PLCG2: variants seen among roughly 807,000 people sequenced by gnomAD.
The protein encoded by PLCG2 is phospholipase C gamma 2, also known as 1-phosphatidylinositol 4,5-bisphosphate phosphodiesterase gamma-2.
A neutral mutation model predicts 175.6 loss-of-function variants in PLCG2; 69 were observed. The observed-to-expected ratio is 0.39, with a 90% CI of 0.32 to 0.48. PLCG2 has a LOEUF of 0.48. Ranked by LOEUF, PLCG2 falls within the 20% of genes least tolerant of loss-of-function variation. The pLI is 0.91. For missense variants in PLCG2, 1,798 were observed against 1,650.9 expected (o/e 1.09, Z -1.54); for synonymous variants, 827 against 624.0 (o/e 1.33, Z -4.85).
chr16:81,793,694 T>G (rs1425217942), intron 2 of PLCG2, among the ~76,000 whole-genome samples: 2 of 152,218 alleles, frequency 1.3e-5, no homozygotes, highest in Non-Finnish European at 2.9e-5. Flanking sequence ...AGTGATACCG[T>G]TGATGAGAGC....
chr16:81,867,455 C>T (rs555962370), intron 5 of PLCG2, among the ~76,000 whole-genome samples: 1 of 152,178 alleles, frequency 6.6e-6, no homozygotes, highest in Non-Finnish European at 1.5e-5. Flanking sequence ...GAGTTTGAGG[C>T]TAGCACAGAT....
intron 5 of PLCG2, among the ~76,000 whole-genome samples, chr16:81,859,747 A>G (rs1335799823): frequency 6.6e-6 from 1 of 152,112 alleles, no homozygotes; most frequent in Non-Finnish European, 1.5e-5. Flanking sequence ...CATGTTCGGC[A>G]GGATGGTCTT....
At position 81,937,690 on chromosome 16, in the gene PLCG2, A is replaced by G. The variant is rs1182665006; in HGVS notation, c.3053-68A>G. The G allele has an allele frequency of 7.7e-6, 11 of 1,424,764 alleles. No individual in the cohort carries two copies. The Admixed American group carries it at 2.2e-4, about 29-fold the overall frequency. 88.3% of individuals were successfully genotyped at this position (1,424,764 alleles called of 1,614,324 possible). A position where few individuals can be genotyped will look rare whatever the true frequency, so the allele number is the denominator to read the frequency against. Reference sequence around the variant, plus strand: ...AAGGTGAAATTCATTCCCCACCTAGAAACTCCTGGCCTAGGGGGCCAGCGT... The same window carrying G: ...AAGGTGAAATTCATTCCCCACCTAGGAACTCCTGGCCTAGGGGGCCAGCGT... On this transcript the variant is annotated intron_variant, in intron 27 of 32. Coordinates refer to ENST00000564138, the MANE Select transcript of PLCG2 (RefSeq NM_002661.5).
intron 2 of PLCG2, among the ~76,000 whole-genome samples, chr16:81,820,489 G>A (rs1445356499): frequency 6.6e-6 from 1 of 152,234 alleles, no homozygotes; most frequent in Admixed American, 6.5e-5. Context: ...TGTTGCTAGT[G>A]TCAGTAGTTT....
chr16:81,783,267 T>A (rs1910822681), intron 1 of PLCG2: 1 of 306,372 alleles, frequency 3.3e-6, no homozygotes, highest in South Asian at 2.9e-5. Flanking sequence ...GGTTGGCAGC[T>A]GGGTCAAATC....
intron 1 of PLCG2, among the ~76,000 whole-genome samples, chr16:81,746,916 G>A (rs768250915): frequency 6.6e-6 from 1 of 152,110 alleles, no homozygotes; most frequent in Admixed American, 6.6e-5. Context: ...TATTTTGGGA[G>A]TTGTAATTTC....
intron 2 of PLCG2, among the ~76,000 whole-genome samples, chr16:81,801,967 C>T (rs1301818813): frequency 6.6e-6 from 1 of 151,994 alleles, no homozygotes; most frequent in Admixed American, 6.6e-5. Flanking sequence ...AGGCATCAGC[C>T]ATCACACCTG....
intron 2 of PLCG2, among the ~76,000 whole-genome samples, chr16:81,821,270 C>T (rs1161377898): frequency 6.6e-6 from 1 of 152,250 alleles, no homozygotes; most frequent in Non-Finnish European, 1.5e-5. Context: ...ATGCCTGGCA[C>T]ATAGCAGATG....
chr16:81,829,608 G>C (rs1268772844), intron 2 of PLCG2, among the ~76,000 whole-genome samples: 2 of 152,224 alleles, frequency 1.3e-5, no homozygotes, highest in Admixed American at 6.5e-5. Context: ...AATTTATTTG[G>C]ACTTTAACAG....
intron 2 of PLCG2, among the ~76,000 whole-genome samples, chr16:81,832,562 G>GTT (rs1418242076): frequency 6.6e-6 from 1 of 152,072 alleles, no homozygotes; most frequent in Non-Finnish European, 1.5e-5. Context: ...GCTAATTTGT[G>GTT]TGTGTGTGTG....
At chr16:81,750,437 A>AAAC (rs1909785995) in intron 1 of PLCG2, among the ~76,000 whole-genome samples, 1 of 151,282 alleles carries the variant, frequency 6.6e-6, no homozygotes, top group Non-Finnish European at 1.5e-5. Context: ...AAAAAAAAAA[A>AAAC]AAAAATCCAG....
At chr16:81,948,210 T>C (rs1911227740) in intron 31 of PLCG2, among the ~76,000 whole-genome samples, 2 of 152,366 alleles carry the variant, frequency 1.3e-5, no homozygotes, top group Middle Eastern at 3.4e-3. Flanking sequence ...GCATGTCAAA[T>C]TGTTCTCTGC....
rs60305784 is a variant in PLCG2, at chr16:81,849,797, A to C, written c.194-4647A>C. 6.6e-5 allele frequency among the ~76,000 whole-genome samples: 9 copies of C among 136,272 alleles called. No individual in the cohort carries two copies. The East Asian group carries it at 1.5e-3, about 22-fold the overall frequency. The allele number at this position is 136,272 out of a possible 152,430, so 89.4% of individuals were successfully genotyped here. Reference sequence around the variant, plus strand: ...AAAAAAAAAAAAAAAAAAAAAAAAAACCAAAAAAATTCCCTCTTGAAGACA... The same window carrying C: ...AAAAAAAAAAAAAAAAAAAAAAAAACCCAAAAAAATTCCCTCTTGAAGACA... On this transcript the variant is annotated intron_variant, in intron 2 of 32. Coordinates refer to ENST00000564138, the MANE Select transcript of PLCG2 (RefSeq NM_002661.5).
intron 14 of PLCG2, 59 bp from the exon 15 acceptor site, chr16:81,905,344 C>G (rs1167879030): frequency 5.8e-6 from 7 of 1,197,482 alleles, no homozygotes; most frequent in Non-Finnish European, 8.6e-6. Flanking sequence ...AGGCTGCTGG[C>G]TCAAAGGCCT....
chr16:81,894,079 G>C (rs1165070371), intron 12 of PLCG2, among the ~76,000 whole-genome samples: 1 of 151,412 alleles, frequency 6.6e-6, no homozygotes, highest in Non-Finnish European at 1.5e-5. Flanking sequence ...CTGGGTCCTA[G>C]GTGTGCACAG....
intron 27 of PLCG2, among the ~76,000 whole-genome samples, chr16:81,937,130 G>C (rs1276907642): frequency 6.6e-6 from 1 of 152,226 alleles, no homozygotes; most frequent in South Asian, 2.1e-4. Context: ...AGACGTGCCT[G>C]AGCTAAGCCA....
At chr16:81,788,347 G>A (rs756598808) in intron 2 of PLCG2, among the ~76,000 whole-genome samples, 12 of 152,084 alleles carry the variant, frequency 7.9e-5, no homozygotes, top group Non-Finnish European at 1.0e-4. Flanking sequence ...GTAGTACAAT[G>A]TCAGCTCACT....
chr16:81,834,067 G>A (rs1163556404), intron 2 of PLCG2, among the ~76,000 whole-genome samples: 1 of 152,162 alleles, frequency 6.6e-6, no homozygotes, highest in Non-Finnish European at 1.5e-5. Flanking sequence ...TTGTCTCCGG[G>A]CCTTCCACTG....
intron 2 of PLCG2, among the ~76,000 whole-genome samples, chr16:81,802,526 C>T (rs1369657108): frequency 4.6e-5 from 7 of 152,090 alleles, no homozygotes; most frequent in Non-Finnish European, 8.8e-5. Flanking sequence ...CTTGACCTAC[C>T]ACCTTCTCTT....
Sources: allele counts gnomAD v4.1 joint callset (sites outside exome capture counted in the v4.1 genomes callset), GRCh38; gene constraint gnomAD v4.1.1; transcripts MANE v1.5; gene names NCBI Gene and HGNC (gene_info 2026-07-23, HGNC 2026-07-21).